The following DYNC1I1 variants were observed in gnomAD, a reference collection of about 807,000 sequenced individuals.
DYNC1I1 encodes the protein dynein cytoplasmic 1 intermediate chain 1, also known as cytoplasmic dynein 1 intermediate chain 1.
Under a neutral mutation model 86.6 loss-of-function variants are expected in DYNC1I1, and 43 were observed. The ratio of observed to expected loss-of-function variants is 0.50; its 90% CI spans 0.39 to 0.64. The LOEUF is 0.64. Ranked by LOEUF, DYNC1I1 falls within the 30% of genes least tolerant of loss-of-function variation. The pLI, the probability that DYNC1I1 is intolerant of heterozygous loss-of-function variation, is 0.00. For missense variants in DYNC1I1, 604 were observed against 788.8 expected (o/e 0.77, Z 2.81); for synonymous variants, 262 against 283.7 (o/e 0.92, Z 0.77).
chr7:95,888,893 A>G (rs1584130304), intron 6 of DYNC1I1, among the ~76,000 whole-genome samples: 1 of 152,200 alleles, frequency 6.6e-6, no homozygotes, highest in East Asian at 1.9e-4. Context: ...AAGGACCTCC[A>G]CTTAAATCTG....
At chr7:96,033,252 C>T (rs930974873) in intron 12 of DYNC1I1, among the ~76,000 whole-genome samples, 7 of 152,184 alleles carry the variant, frequency 4.6e-5, no homozygotes, top group Admixed American at 2.0e-4. Context: ...CTGTTTTCCC[C>T]TCTGGAATGT....
At chr7:96,050,252 T>A (rs1027695222) in intron 14 of DYNC1I1, among the ~76,000 whole-genome samples, 3 of 152,156 alleles carry the variant, frequency 2.0e-5, no homozygotes, top group African/African-American at 7.2e-5. Flanking sequence ...AAAATGAATC[T>A]CACCCTGAAG....
At chr7:96,047,981 G>T (rs2116085918) in intron 14 of DYNC1I1, among the ~76,000 whole-genome samples, 1 of 152,248 alleles carries the variant, frequency 6.6e-6, no homozygotes, top group African/African-American at 2.4e-5. Flanking sequence ...CTAAAAAAAG[G>T]CTTACAAGTA....
intron 2 of DYNC1I1, among the ~76,000 whole-genome samples, chr7:95,807,771 C>T (rs1304852133): frequency 6.6e-6 from 1 of 152,100 alleles, no homozygotes; most frequent in Non-Finnish European, 1.5e-5. Flanking sequence ...TACCTTTACC[C>T]ATAACTAGGT....
chr7:96,042,303 G>GAAGT (rs1490343118), intron 14 of DYNC1I1, among the ~76,000 whole-genome samples: 1 of 152,120 alleles, frequency 6.6e-6, no homozygotes, highest in Non-Finnish European at 1.5e-5. Flanking sequence ...ATCTGAGTGG[G>GAAGT]AAGTATACTA....
At chr7:96,000,345 A>G (rs888709232) in intron 10 of DYNC1I1, among the ~76,000 whole-genome samples, 1 of 152,230 alleles carries the variant, frequency 6.6e-6, no homozygotes, top group Admixed American at 6.6e-5. Context: ...GGAAAACAGA[A>G]GAGGAAACCT....
chr7:95,997,436 C>CATT (rs1793893369), intron 10 of DYNC1I1, among the ~76,000 whole-genome samples: 1 of 151,944 alleles, frequency 6.6e-6, no homozygotes, highest in Admixed American at 6.6e-5. Flanking sequence ...AACAATAATA[C>CATT]ATTATTATAA....
At chr7:95,790,761 C>G (rs1794280616) in intron 1 of DYNC1I1, among the ~76,000 whole-genome samples, 1 of 152,216 alleles carries the variant, frequency 6.6e-6, no homozygotes, top group Non-Finnish European at 1.5e-5. Context: ...CAACTACAGG[C>G]TTATGCAGTG....
chr7:95,806,621 C>A (rs944686841), intron 2 of DYNC1I1, among the ~76,000 whole-genome samples: 1 of 152,212 alleles, frequency 6.6e-6, no homozygotes, highest in Non-Finnish European at 1.5e-5. Flanking sequence ...CTTGTGATAA[C>A]TGAACTGTGC....
chr7:95,844,008 T>A (rs1789360672), intron 5 of DYNC1I1, among the ~76,000 whole-genome samples: 1 of 152,192 alleles, frequency 6.6e-6, no homozygotes, highest in African/African-American at 2.4e-5. Context: ...TAAAATGTTT[T>A]TTGGTGTGTC....
intron 6 of DYNC1I1, among the ~76,000 whole-genome samples, chr7:95,870,850 G>A (rs1240726657): frequency 6.6e-6 from 1 of 151,988 alleles, no homozygotes; most frequent in African/African-American, 2.4e-5. Flanking sequence ...TTGAAAATAG[G>A]GTAAGTGAAA....
chr7:96,037,066 T>C (rs1427283620), intron 13 of DYNC1I1, among the ~76,000 whole-genome samples: 1 of 152,234 alleles, frequency 6.6e-6, no homozygotes, highest in Non-Finnish European at 1.5e-5. Context: ...TTGTGATTTG[T>C]AGAAATGACA....
chr7:95,838,429 T>A (rs1789178965), intron 5 of DYNC1I1, among the ~76,000 whole-genome samples: 1 of 152,234 alleles, frequency 6.6e-6, no homozygotes, highest in African/African-American at 2.4e-5. Context: ...TTCCATACTG[T>A]TTTGATTAAT....
chr7:95,992,643 G>A (rs150489972), intron 9 of DYNC1I1, among the ~76,000 whole-genome samples: 248 of 150,492 alleles, frequency 1.6e-3, no homozygotes, highest in African/African-American at 5.0e-3. Flanking sequence ...TTTTTTTGAC[G>A]GAGTCTTACT....
At chr7:95,784,001 T>C (rs1794064074) in intron 1 of DYNC1I1, among the ~76,000 whole-genome samples, 1 of 152,204 alleles carries the variant, frequency 6.6e-6, no homozygotes, top group African/African-American at 2.4e-5. Context: ...TTGAAATGCT[T>C]AGTACAAACA....
Position 95,935,366 on chromosome 7 carries a change from C to T in DYNC1I1, c.491-42146C>T, listed in dbSNP as rs185860137. Among the ~76,000 whole-genome samples the T allele has an allele frequency of 2.8e-3, 427 of 152,080 alleles. 3 individuals carry two copies. Among genetic ancestry groups the T allele is most frequent in the Non-Finnish European group, 4.0e-3 (269 of 67,912 alleles). ...ATGAATATACCACATTTTCTTTATC[C>T]ATTCAAATGTCAATGAACATTTAGG... On this transcript the variant is annotated intron_variant, in intron 6 of 16. Coordinates refer to ENST00000447467, the MANE Select transcript of DYNC1I1 (RefSeq NM_001135556.2).
intron 6 of DYNC1I1, among the ~76,000 whole-genome samples, chr7:95,974,261 T>C (rs1325114932): frequency 6.6e-6 from 1 of 152,204 alleles, no homozygotes; most frequent in Admixed American, 6.5e-5. Context: ...GGAAGCTCCA[T>C]GAGCACAGAG....
intron 5 of DYNC1I1, among the ~76,000 whole-genome samples, chr7:95,852,369 T>A (rs1311125997): frequency 1.3e-5 from 2 of 152,048 alleles, no homozygotes; most frequent in Non-Finnish European, 2.9e-5. Flanking sequence ...TTTTATATTT[T>A]TGATTTTATT....
Position 96,029,978 on chromosome 7 carries a change from T to TTTG in DYNC1I1, c.1116+1678_1116+1680dup, listed in dbSNP as rs555898210. On this transcript the variant is annotated intron_variant, in intron 11 of 16. Coordinates refer to ENST00000447467, the MANE Select transcript of DYNC1I1 (RefSeq NM_001135556.2). ...CTTGTCCACTTTTCGCTTTTGCTGTTTTGTTGTTGTTGTTGTTGTTGTTTT... is the reference window on the plus strand; with the variant it reads ...CTTGTCCACTTTTCGCTTTTGCTGTTTTGTTGTTGTTGTTGTTGTTGTTGTTTT... 7.4e-4 allele frequency among the ~76,000 whole-genome samples: 112 copies of TTTG among 151,918 alleles called. 1 individual carries two copies. The highest frequency in any genetic ancestry group is 3.5e-3 in the South Asian group (17 of 4,804).
Sources: allele counts gnomAD v4.1 joint callset (sites outside exome capture counted in the v4.1 genomes callset), GRCh38; gene constraint gnomAD v4.1.1; transcripts MANE v1.5; gene names NCBI Gene and HGNC (gene_info 2026-07-23, HGNC 2026-07-21).